Variants in KIF25 observed in about 807,000 individuals in gnomAD.
The protein encoded by KIF25 is kinesin family member 25.
KIF25 carries 19 observed loss-of-function variants against 32.9 expected under a neutral mutation model. The ratio of observed to expected loss-of-function variants is 0.58; its 90% CI spans 0.40 to 0.85. The LOEUF is 0.85. Ranked by LOEUF, KIF25 falls within the 40% of genes least tolerant of loss-of-function variation. The probability of loss-of-function intolerance (pLI) is 0.00; values close to 1 mark genes in which losing one functional copy is unlikely to be tolerated. For synonymous variants in KIF25, 225 were observed against 213.7 expected (o/e 1.05, Z -0.46); for missense variants, 485 against 507.0 (o/e 0.96, Z 0.42).
intron 5 of KIF25, among the ~76,000 whole-genome samples, chr6:168,028,467 G>A (rs940481391): frequency 1.3e-5 from 2 of 152,134 alleles, no homozygotes; most frequent in African/African-American, 4.8e-5. Flanking sequence ...ACTAATTCAC[G>A]CAGCAAGACC....
chr6:168,034,555 G>A (rs960621727), intron 8 of KIF25, among the ~76,000 whole-genome samples: 2 of 152,084 alleles, frequency 1.3e-5, no homozygotes, highest in African/African-American at 4.8e-5. Flanking sequence ...CTCCCTGCCT[G>A]GCTAAGACAA....
intron 5 of KIF25, among the ~76,000 whole-genome samples, chr6:168,027,676 C>T (rs117082747): frequency 0.034 from 5,146 of 152,198 alleles, 102 homozygotes; most frequent in Non-Finnish European, 0.049. Context: ...CCCTCCTCCC[C>T]GGACAGCCGC....
At chr6:168,002,791 A>G (rs1214983870) in intron 3 of KIF25, 132 bp downstream of exon 3, 2 of 152,260 alleles carry the variant, frequency 1.3e-5, no homozygotes, top group East Asian at 1.9e-4. Context: ...ACTCACCACA[A>G]TGTAAAATCA....
intron 5 of KIF25, among the ~76,000 whole-genome samples, chr6:168,018,359 C>T (rs1798743764): frequency 6.6e-6 from 1 of 152,150 alleles, no homozygotes; most frequent in Non-Finnish European, 1.5e-5. Flanking sequence ...CACCTGTAGG[C>T]TAATGTGTGT....
chr6:168,043,353 C>A (rs1375930639), intron 12 of KIF25, among the ~76,000 whole-genome samples: 3 of 152,274 alleles, frequency 2.0e-5, no homozygotes, highest in South Asian at 4.2e-4. Flanking sequence ...CCCTGTAGGC[C>A]GTGTCCTGAG....
At chr6:168,012,973 A>T (rs1404778653) in intron 4 of KIF25, among the ~76,000 whole-genome samples, 1 of 151,092 alleles carries the variant, frequency 6.6e-6, no homozygotes, top group East Asian at 1.9e-4. Flanking sequence ...ACCAGGGGTG[A>T]ACTATGCGGC....
intron 2 of KIF25, 136 bp downstream of exon 2, chr6:167,999,456 CTGTT>C (rs1798467201): frequency 6.6e-6 from 1 of 152,320 alleles, no homozygotes; most frequent in Non-Finnish European, 1.5e-5. Flanking sequence ...GGTGGGGGCT[CTGTT>C]TAAGGATGGC....
chr6:168,042,548 C>A lies in KIF25; in HGVS notation c.830-13C>A, dbSNP rs760860859. The A allele has an allele frequency of 1.6e-5, 25 of 1,608,224 alleles. No individual in the cohort carries two copies. Among genetic ancestry groups the A allele is most frequent in the Non-Finnish European group, 2.0e-5 (24 of 1,176,612 alleles). On this transcript the variant is annotated splice_polypyrimidine_tract_variant and intron_variant, in intron 11 of 12. Transcript: ENST00000643607. ...TGGTGCAAACGGTGATGGTGCGTGG[C>A]GGTCCTGTCCAGGTGTGTCTGGAGT...
rs1183434628 is a variant in KIF25 at position 168,042,011 on chromosome 6, A to AGGCAGGAAG, written c.700_708dup (p.Ala234_Arg236dup). Reference sequence around the variant, plus strand: ...GCCACCCTCCCCAGGGAGCAAACAGAGGCAGGAAGGGCAGGAAGGAGCCGC... The same window carrying AGGCAGGAAG: ...GCCACCCTCCCCAGGGAGCAAACAGAGGCAGGAAGGGCAGGAAGGGCAGGAAGGAGCCGC... On this transcript the variant is annotated inframe_insertion, in exon 11 of 13. Transcript: ENST00000643607. 45 of 1,551,854 alleles carry AGGCAGGAAG rather than the reference A, an allele frequency of 2.9e-5. No individual in the cohort carries two copies. Among genetic ancestry groups the AGGCAGGAAG allele is most frequent in the Non-Finnish European group, 3.9e-5 (45 of 1,147,316 alleles).
At chr6:168,002,933 A>G (rs1448322535) in intron 3 of KIF25, among the ~76,000 whole-genome samples, 2 of 152,218 alleles carry the variant, frequency 1.3e-5, no homozygotes, top group Non-Finnish European at 2.9e-5. Context: ...CACAGCTCAC[A>G]GTAGGGTTTG....
intron 4 of KIF25, among the ~76,000 whole-genome samples, chr6:168,006,087 C>A (rs973345206): frequency 6.6e-6 from 1 of 152,174 alleles, no homozygotes; most frequent in South Asian, 2.1e-4. Flanking sequence ...TCTCAGGAAC[C>A]TTTAAGTAAA....
intron 12 of KIF25, among the ~76,000 whole-genome samples, chr6:168,043,843 CTGT>C (rs141459139): frequency 6.6e-6 from 1 of 152,346 alleles, no homozygotes; most frequent in African/African-American, 2.4e-5. Flanking sequence ...TGGTTTTCAT[CTGT>C]AATTCTTAAC....
At chr6:168,003,512 T>A (rs1056046127) in intron 3 of KIF25, 102 bp from the exon 4 acceptor site, 1 of 151,214 alleles carries the variant, frequency 6.6e-6, no homozygotes, top group African/African-American at 2.5e-5. Context: ...GAGACAGAGA[T>A]GATGGCGAAG....
chr6:168,023,246 G>C (rs575846236), intron 5 of KIF25, among the ~76,000 whole-genome samples: 58 of 148,582 alleles, frequency 3.9e-4, no homozygotes, highest in African/African-American at 1.3e-3. Context: ...TTCATTTCTT[G>C]CACCTAGGAA....
At chr6:168,034,122 C>T in intron 8 of KIF25, 91 bp downstream of exon 8, 1 of 1,365,444 alleles carries the variant, frequency 7.3e-7, no homozygotes, top group Non-Finnish European at 1.0e-6. Flanking sequence ...AAATTATTAC[C>T]ATTTGAAGAA....
chr6:168,010,480 C>T (rs74928432), intron 4 of KIF25, among the ~76,000 whole-genome samples: 1,719 of 151,946 alleles, frequency 0.011, 7 homozygotes, highest in Non-Finnish European at 0.019. Context: ...CTGTTATGGT[C>T]GAATAAGACA....
Position 168,033,909 on chromosome 6 carries a change from A to G in KIF25, c.195A>G (p.Gly65=), listed in dbSNP as rs1252016661. ...ACAATGTTTGTGTTATGGCGTATGG[A>G]CAGACGGGCAGCGGAAAGAGCTATA... ...DGYNVCVMAY[G]QTGSGKSYTM... Residue 65 remains glycine, a synonymous_variant, in exon 8 of 13, where the codon GGA becomes GGG. Transcript: ENST00000643607. The G allele has an allele frequency of 6.2e-7, 1 of 1,614,164 alleles. No individual in the cohort carries two copies. The highest frequency in any genetic ancestry group is 2.2e-5 in the East Asian group (1 of 44,888).
At chr6:168,035,800 C>A (rs1799016776) in intron 8 of KIF25, 1 of 456,052 alleles carries the variant, frequency 2.2e-6, no homozygotes, top group Non-Finnish European at 4.4e-6. Flanking sequence ...CTCTGCTCTT[C>A]CAAGTGAGTG....
At chr6:168,024,848 C>T (rs1252760358) in intron 5 of KIF25, among the ~76,000 whole-genome samples, 2 of 151,948 alleles carry the variant, frequency 1.3e-5, no homozygotes, top group Non-Finnish European at 2.9e-5. Flanking sequence ...GTCAGGAGTT[C>T]GAGACCAGCC....
Sources: allele counts gnomAD v4.1 joint callset (sites outside exome capture counted in the v4.1 genomes callset), GRCh38; gene constraint gnomAD v4.1.1; transcripts MANE v1.5; gene names NCBI Gene and HGNC (gene_info 2026-07-23, HGNC 2026-07-21).